Variants in PCSK5 observed in about 807,000 individuals in gnomAD.
The protein encoded by PCSK5 is prohormone convertase 5.
In PCSK5, 129 loss-of-function variants were observed where a neutral mutation model predicts 233.2. The ratio of observed to expected loss-of-function variants is 0.55; its 90% CI spans 0.48 to 0.64. PCSK5 has a LOEUF of 0.64. Among genes scored for constraint, PCSK5 ranks in the 30% least tolerant of loss-of-function variants. The pLI, the probability that PCSK5 is intolerant of heterozygous loss-of-function variation, is 0.00. For missense variants in PCSK5, 2,076 were observed against 2,430.1 expected (o/e 0.85, Z 3.06); for synonymous variants, 825 against 879.2 (o/e 0.94, Z 1.09).
At chr9:75,891,524 C>A in intron 1 of PCSK5, 151 bp downstream of exon 1, 1 of 513,236 alleles carries the variant, frequency 1.9e-6, no homozygotes, top group Non-Finnish European at 3.2e-6. Flanking sequence ...TGCGCGCGCG[C>A]GCGTACGCAC....
Position 76,247,052 on chromosome 9 carries a change from C to A in PCSK5, c.3142+6368C>A, listed in dbSNP as rs1826630184. Among the ~76,000 whole-genome samples, 4 of 152,298 alleles carry A rather than the reference C, an allele frequency of 2.6e-5. No individual in the cohort carries two copies. The South Asian group carries it at 8.3e-4, about 32-fold the overall frequency. On this transcript the variant is annotated intron_variant, in intron 24 of 37. Coordinates refer to ENST00000674117, the MANE Select transcript of PCSK5 (RefSeq NM_001372043.1). Reference sequence around the variant, plus strand: ...GGTCACGGAAGAGAACCGTGGAACCCAGTGACTAGTGTTCAGCTCGATTAG... The same window carrying A: ...GGTCACGGAAGAGAACCGTGGAACCAAGTGACTAGTGTTCAGCTCGATTAG...
intron 5 of PCSK5, among the ~76,000 whole-genome samples, chr9:76,046,166 T>G (rs917480512): frequency 8.9e-5 from 5 of 56,260 alleles, no homozygotes; most frequent in Non-Finnish European, 1.6e-4. Context: ...TTTTGTTTTT[T>G]TTTTTTTTTT....
intron 2 of PCSK5, among the ~76,000 whole-genome samples, chr9:75,934,642 C>T (rs1166317168): frequency 6.6e-6 from 1 of 151,598 alleles, no homozygotes; most frequent in South Asian, 2.1e-4. Flanking sequence ...AGTGCAATGG[C>T]GCGATCTCAG....
At chr9:76,131,160 G>C (rs1030992709) in intron 9 of PCSK5, among the ~76,000 whole-genome samples, 2 of 152,056 alleles carry the variant, frequency 1.3e-5, no homozygotes, top group Non-Finnish European at 2.9e-5. Flanking sequence ...CTCATAGTTT[G>C]ACTTAGTCTT....
intron 7 of PCSK5, among the ~76,000 whole-genome samples, chr9:76,087,316 T>G (rs1261490219): frequency 1.3e-5 from 2 of 152,204 alleles, no homozygotes; most frequent in African/African-American, 2.4e-5. Flanking sequence ...AGTAACTCAA[T>G]TTTTTTCTTT....
intron 25 of PCSK5, 74 bp downstream of exon 25, chr9:76,292,349 G>T: frequency 1.1e-6 from 1 of 948,082 alleles, no homozygotes. Flanking sequence ...CCTCAATCCA[G>T]CGATTAAAGC....
intron 2 of PCSK5, among the ~76,000 whole-genome samples, chr9:75,973,322 C>T (rs1825880184): frequency 6.6e-6 from 1 of 152,158 alleles, no homozygotes; most frequent in Non-Finnish European, 1.5e-5. Flanking sequence ...AAACCTAGGT[C>T]CAGATGCTCC....
intron 24 of PCSK5, among the ~76,000 whole-genome samples, chr9:76,265,556 TG>T (rs1827309175): frequency 6.6e-6 from 1 of 152,146 alleles, no homozygotes; most frequent in African/African-American, 2.4e-5. Context: ...TGAACATTAC[TG>T]GGTCAATTGA....
intron 3 of PCSK5, among the ~76,000 whole-genome samples, chr9:75,991,521 G>T (rs981042555): frequency 6.6e-6 from 1 of 152,124 alleles, no homozygotes; most frequent in Non-Finnish European, 1.5e-5. Flanking sequence ...CCTTCCTCTT[G>T]CTGACACTAT....
chr9:76,144,445 T>C (rs1823359435), intron 10 of PCSK5, among the ~76,000 whole-genome samples: 1 of 152,172 alleles, frequency 6.6e-6, no homozygotes, highest in African/African-American at 2.4e-5. Flanking sequence ...ACATGAGAAA[T>C]GTCTGATTGT....
intron 9 of PCSK5, among the ~76,000 whole-genome samples, chr9:76,112,113 C>T (rs565495471): frequency 6.6e-6 from 1 of 152,242 alleles, no homozygotes; most frequent in East Asian, 1.9e-4. Flanking sequence ...TTAAGTTCAT[C>T]AAAGAAACCT....
intron 4 of PCSK5, among the ~76,000 whole-genome samples, chr9:76,024,987 T>C (rs1828358691): frequency 6.6e-6 from 1 of 152,202 alleles, no homozygotes; most frequent in African/African-American, 2.4e-5. Context: ...TTTTTCCTTA[T>C]CAGTAAAATT....
rs1240698836 is a variant in PCSK5 at position 76,272,746 on chromosome 9, G to A, written c.3143-19487G>A. Among the ~76,000 whole-genome samples the A allele has an allele frequency of 2.7e-4, 33 of 120,580 alleles. No homozygotes were observed. In the Middle Eastern group the frequency reaches 0.019, roughly 68 times the overall value. The allele number at this position is 120,580 out of a possible 152,430, so 79.1% of individuals were successfully genotyped here. A position where few individuals can be genotyped will look rare whatever the true frequency, so the allele number is the denominator to read the frequency against. On this transcript the variant is annotated intron_variant, in intron 24 of 37. Coordinates refer to ENST00000674117, the MANE Select transcript of PCSK5 (RefSeq NM_001372043.1). Reference sequence around the variant, plus strand: ...GCCGAGATCACGCCACTGCACTCCAGCCTGGTGACAGAGTGAGACTCCATC... The same window carrying A: ...GCCGAGATCACGCCACTGCACTCCAACCTGGTGACAGAGTGAGACTCCATC...
At chr9:76,003,576 T>C (rs901942089) in intron 3 of PCSK5, among the ~76,000 whole-genome samples, 1 of 152,212 alleles carries the variant, frequency 6.6e-6, no homozygotes, top group African/African-American at 2.4e-5. Flanking sequence ...AACTCTGAAA[T>C]TAAGTTCCAG....
chr9:76,191,145 T>C (rs576776558), intron 20 of PCSK5, among the ~76,000 whole-genome samples: 116 of 152,310 alleles, frequency 7.6e-4, no homozygotes, highest in Admixed American at 2.3e-3. Flanking sequence ...GATGTAGAAA[T>C]TGTTTAAACT....
At chr9:76,270,010 AT>A (rs1383025665) in intron 24 of PCSK5, among the ~76,000 whole-genome samples, 1 of 151,884 alleles carries the variant, frequency 6.6e-6, no homozygotes, top group East Asian at 1.9e-4. Flanking sequence ...CTTTCAAAAT[AT>A]TTTTTTAAAA....
chr9:75,979,688 T>G (rs1408532596), intron 2 of PCSK5, among the ~76,000 whole-genome samples: 1 of 152,250 alleles, frequency 6.6e-6, no homozygotes, highest in East Asian at 1.9e-4. Flanking sequence ...CTGGTCACAT[T>G]GCCCGTAATA....
intron 4 of PCSK5, among the ~76,000 whole-genome samples, chr9:76,024,157 T>A (rs2131487871): frequency 6.6e-6 from 1 of 152,284 alleles, no homozygotes. Flanking sequence ...CCAGCAACAT[T>A]CGCTGTTCTC....
chr9:76,064,800 A>C (rs1404370617), intron 5 of PCSK5, among the ~76,000 whole-genome samples: 3 of 146,458 alleles, frequency 2.0e-5, no homozygotes, highest in Non-Finnish European at 4.5e-5. Context: ...CGCTCCCCAC[A>C]TCTCAGACGA....
Sources: gnomAD v4.1 joint callset for allele counts (sites outside exome capture counted in the v4.1 genomes callset) on GRCh38, gnomAD v4.1.1 for gene constraint, MANE v1.5 for transcripts, NCBI Gene and HGNC (gene_info 2026-07-23, HGNC 2026-07-21) for gene names.